The following CACNA1D variants were observed in gnomAD, a reference collection of about 807,000 sequenced individuals.
The protein encoded by CACNA1D is calcium voltage-gated channel subunit alpha1 D, also known as voltage-dependent L-type calcium channel subunit alpha-1D.
CACNA1D carries 55 observed loss-of-function variants against 257.1 expected under a neutral mutation model. The observed-to-expected ratio is 0.21, with a 90% CI of 0.17 to 0.27. The LOEUF (loss-of-function observed/expected upper bound fraction) is 0.27. CACNA1D is among the 10% of genes least tolerant of loss of function. The probability of loss-of-function intolerance (pLI) is 1.00; values close to 1 mark genes in which losing one functional copy is unlikely to be tolerated. For synonymous variants in CACNA1D, 980 were observed against 1,014.9 expected (o/e 0.97, Z 0.65); for missense variants, 1,876 against 2,784.0 (o/e 0.67, Z 7.34).
chr3:53,630,070 C>A (rs140694560), intron 3 of CACNA1D, among the ~76,000 whole-genome samples: 2 of 152,060 alleles, frequency 1.3e-5, no homozygotes, highest in Admixed American at 6.5e-5. Flanking sequence ...AAGCCAGTTA[C>A]GGGGAGGCTC....
intron 3 of CACNA1D, among the ~76,000 whole-genome samples, chr3:53,559,567 G>T (rs1318444945): frequency 1.3e-5 from 2 of 152,120 alleles, no homozygotes; most frequent in African/African-American, 4.8e-5. Flanking sequence ...TGTCATTTTA[G>T]TCTGTTTCTT....
intron 3 of CACNA1D, among the ~76,000 whole-genome samples, chr3:53,552,262 A>T (rs913840881): frequency 5.9e-5 from 9 of 152,150 alleles, no homozygotes; most frequent in African/African-American, 2.2e-4. Context: ...GGCTTGGTTG[A>T]CACCTCTTCA....
chr3:53,512,688 C>T (rs1025835343), intron 3 of CACNA1D, among the ~76,000 whole-genome samples: 3 of 152,162 alleles, frequency 2.0e-5, no homozygotes, highest in African/African-American at 7.2e-5. Flanking sequence ...TTGGGCATCT[C>T]CTATCTGACC....
intron 45 of CACNA1D, among the ~76,000 whole-genome samples, chr3:53,805,785 C>CATCTTCCCTCCTCCTCCTCT (rs1407690713): frequency 1.4e-5 from 2 of 145,152 alleles, no homozygotes; most frequent in East Asian, 4.3e-4. Context: ...CTTCCTCCCT[C>CATCTTCCCTCCTCCTCCTCT]ATCTTCCCTC....
At chr3:53,764,101 C>G (rs2095318955) in intron 30 of CACNA1D, among the ~76,000 whole-genome samples, 1 of 152,148 alleles carries the variant, frequency 6.6e-6, no homozygotes, top group Non-Finnish European at 1.5e-5. Flanking sequence ...TTTGCTAGAC[C>G]TAGGTATACA....
intron 9 of CACNA1D, among the ~76,000 whole-genome samples, chr3:53,714,323 A>T (rs1237190897): frequency 6.6e-6 from 1 of 152,170 alleles, no homozygotes; most frequent in Non-Finnish European, 1.5e-5. Flanking sequence ...TTAACACTGA[A>T]TCCCTGCTGA....
At chr3:53,750,659 G>A (rs924054368) in intron 27 of CACNA1D, among the ~76,000 whole-genome samples, 10 of 152,220 alleles carry the variant, frequency 6.6e-5, no homozygotes, top group African/African-American at 2.2e-4. Context: ...GTCAGAGCAA[G>A]GCCAGGCCAG....
chr3:53,730,767 G>T (rs2108760649), intron 16 of CACNA1D, among the ~76,000 whole-genome samples: 1 of 152,394 alleles, frequency 6.6e-6, no homozygotes, highest in Non-Finnish European at 1.5e-5. Context: ...GGGGCTGAGA[G>T]TGGGAGTCAC....
intron 8 of CACNA1D, among the ~76,000 whole-genome samples, chr3:53,676,051 T>G (rs556717495): frequency 6.6e-6 from 1 of 152,264 alleles, no homozygotes; most frequent in Admixed American, 6.5e-5. Context: ...CCGGCTCTGG[T>G]CCAGAGGCGA....
rs1454209654 is a variant in CACNA1D, at chr3:53,718,800, T to C, written c.1478+412T>C. 3.6e-6 allele frequency: 5 copies of C among 1,408,128 alleles called. No individual in the cohort carries two copies. In the African/African-American group the frequency reaches 4.3e-5, roughly 12 times the overall value. 87.2% of individuals were successfully genotyped at this position (1,408,128 alleles called of 1,614,324 possible). ...GGCATTTGTGCTTTTGAAGAAGAGC[T>C]TCTGTGGCAGAGTTGCTGACTAGAA... On this transcript the variant is annotated intron_variant, in intron 10 of 47. Transcript: ENST00000350061.
At chr3:53,590,721 G>A (rs1228984749) in intron 3 of CACNA1D, among the ~76,000 whole-genome samples, 1 of 152,180 alleles carries the variant, frequency 6.6e-6, no homozygotes, top group African/African-American at 2.4e-5. Context: ...GGTGAGCCTG[G>A]GCGGCCGGGC....
Position 53,781,583 on chromosome 3 carries a change from A to G in CACNA1D, c.4708A>G (p.Asn1570Asp). The G allele has an allele frequency of 6.2e-7, 1 of 1,613,238 alleles. No individual in the cohort carries two copies. Among genetic ancestry groups the G allele is most frequent in the Non-Finnish European group, 8.5e-7 (1 of 1,179,156 alleles). The change falls in exon 39 of 48, where the codon AAT becomes GAT. Residue 1570 changes from asparagine (N) to aspartate (D), a missense_variant. By Grantham distance (23) the Asn-to-Asp change is conservative (BLOSUM62 1). Coordinates refer to ENST00000350061, the MANE Select transcript of CACNA1D (RefSeq NM_001128840.3). ...IKTEGNLEQA[N>D]EELRAVIKKI... ...GAATCCAGGGAACCTGGAGCAAGCT[A>G]ATGAAGAACTTCGGGCTGTGATAAA...
intron 3 of CACNA1D, among the ~76,000 whole-genome samples, chr3:53,646,266 G>A (rs536726207): frequency 1.3e-5 from 2 of 152,364 alleles, no homozygotes; most frequent in African/African-American, 4.8e-5. Flanking sequence ...GGTTGGGATA[G>A]CAGGGGAGGC....
chr3:53,731,902 A>T (rs1331260488), intron 17 of CACNA1D, 114 bp from the exon 18 acceptor site: 1 of 764,096 alleles, frequency 1.3e-6, no homozygotes, highest in Non-Finnish European at 2.4e-6. Context: ...TCAAATACAG[A>T]TGCAGCTTTG....
chr3:53,555,460 G>GTTTTTTTTTTTT, intron 3 of CACNA1D, among the ~76,000 whole-genome samples: 1 of 78,386 alleles, frequency 1.3e-5, no homozygotes, highest in Non-Finnish European at 2.4e-5. Context: ...GTGTGTGTGT[G>GTTTTTTTTTTTT]TTTTTTTTTT....
At chr3:53,792,264 G>A (rs1276236057) in intron 40 of CACNA1D, 2 of 152,182 alleles carry the variant, frequency 1.3e-5, no homozygotes, top group Non-Finnish European at 2.9e-5. Flanking sequence ...TGCCCAAGAT[G>A]TTGGTCGATA....
intron 4 of CACNA1D, among the ~76,000 whole-genome samples, chr3:53,658,008 T>C (rs558341057): frequency 6.6e-6 from 1 of 152,348 alleles, no homozygotes; most frequent in South Asian, 2.1e-4. Context: ...TCAGGCTCTA[T>C]TACTTAAGCT....
At chr3:53,606,958 C>T (rs2093518611) in intron 3 of CACNA1D, among the ~76,000 whole-genome samples, 1 of 152,192 alleles carries the variant, frequency 6.6e-6, no homozygotes, top group African/African-American at 2.4e-5. Context: ...CTGTGTGCAT[C>T]ACAAGTTTGT....
intron 3 of CACNA1D, among the ~76,000 whole-genome samples, chr3:53,628,633 A>G (rs983934205): frequency 3.3e-5 from 5 of 152,196 alleles, no homozygotes; most frequent in African/African-American, 1.2e-4. Flanking sequence ...ATCTCTAAGT[A>G]GCAGTTTCTT....
Sources: allele counts gnomAD v4.1 joint callset (sites outside exome capture counted in the v4.1 genomes callset), GRCh38; gene constraint gnomAD v4.1.1; transcripts MANE v1.5; gene names NCBI Gene and HGNC (gene_info 2026-07-23, HGNC 2026-07-21).